JAK1: variants seen among roughly 807,000 people sequenced by gnomAD.
JAK1 encodes the protein tyrosine-protein kinase JAK1.
Under a neutral mutation model 136.6 loss-of-function variants are expected in JAK1, and 16 were observed. The ratio of observed to expected loss-of-function variants is 0.12; its 90% CI spans 0.08 to 0.18. The LOEUF (loss-of-function observed/expected upper bound fraction) is 0.18. Ranked by LOEUF, JAK1 falls within the 10% of genes least tolerant of loss-of-function variation. The pLI, the probability that JAK1 is intolerant of heterozygous loss-of-function variation, is 1.00. For missense variants in JAK1, 859 were observed against 1,450.1 expected, an observed-to-expected ratio of 0.59 and a Z score of 6.62; for synonymous variants, 492 against 519.5, an observed-to-expected ratio of 0.95 and a Z score of 0.72.
chr1:65,002,760 G>C (rs1420946014), intron 2 of JAK1, among the ~76,000 whole-genome samples: 2 of 152,178 alleles, frequency 1.3e-5, no homozygotes, highest in African/African-American at 4.8e-5. Flanking sequence ...CGCGAGCCCG[G>C]ACTTCCCCGC....
upstream of JAK1, among the ~76,000 whole-genome samples, chr1:64,968,660 A>C (rs1255326604): frequency 6.6e-6 from 1 of 152,086 alleles, no homozygotes; most frequent in Admixed American, 6.5e-5. Flanking sequence ...GGCCAGGTGC[A>C]GTGGCTCACG....
intron 2 of JAK1, chr1:64,972,374 AGATTTGTGGAAACT>A: frequency 6.6e-6 from 1 of 152,356 alleles, no homozygotes; most frequent in Non-Finnish European, 1.5e-5. Context: ...AGGGCAGTGT[AGATTTGTGGAAACT>A]GAATAGAAAG....
At chr1:65,000,083 C>T (rs1056359861) in intron 2 of JAK1, among the ~76,000 whole-genome samples, 4 of 151,516 alleles carry the variant, frequency 2.6e-5, no homozygotes, top group Non-Finnish European at 5.9e-5. Context: ...CTCTGACTCC[C>T]TGGTTCAAGC....
intron 1 of JAK1, among the ~76,000 whole-genome samples, chr1:64,961,963 G>A (rs1646289983): frequency 6.6e-6 from 1 of 152,110 alleles, no homozygotes; most frequent in African/African-American, 2.4e-5. Flanking sequence ...TACAAAGAAT[G>A]AATTAATCTG....
chr1:65,026,084 G>C (rs1646975736), intron 2 of JAK1, among the ~76,000 whole-genome samples: 1 of 152,168 alleles, frequency 6.6e-6, no homozygotes, highest in South Asian at 2.1e-4. Context: ...CTGGCACATA[G>C]AGGATATTCA....
At chr1:65,040,975 A>G (rs554542492) in intron 2 of JAK1, among the ~76,000 whole-genome samples, 1 of 152,288 alleles carries the variant, frequency 6.6e-6, no homozygotes, top group East Asian at 1.9e-4. Context: ...AAAGATGTAT[A>G]TCATCGCTCC....
chr1:64,930,443 C>T (rs1217587159), intron 1 of JAK1, among the ~76,000 whole-genome samples: 1 of 152,070 alleles, frequency 6.6e-6, no homozygotes, highest in African/African-American at 2.4e-5. Context: ...ATCAAAACCA[C>T]GATGAGATAC....
intron 1 of JAK1, among the ~76,000 whole-genome samples, chr1:64,947,260 A>G (rs1646004446): frequency 6.6e-6 from 1 of 151,906 alleles, no homozygotes; most frequent in Admixed American, 6.6e-5. Flanking sequence ...AGTTCAATAT[A>G]TTACAGCTGA....
At chr1:64,870,741 G>A (rs963559664) in intron 5 of JAK1, among the ~76,000 whole-genome samples, 2 of 152,084 alleles carry the variant, frequency 1.3e-5, no homozygotes, top group African/African-American at 4.8e-5. Context: ...TCAGATTAAT[G>A]GTTTTTGGAT....
intron 1 of JAK1, among the ~76,000 whole-genome samples, chr1:65,056,755 T>C (rs1048075815): frequency 1.3e-5 from 2 of 151,890 alleles, no homozygotes; most frequent in African/African-American, 4.8e-5. Flanking sequence ...TGAAACACCA[T>C]CTCTACCAAA....
At chr1:64,841,882 A>G (rs1034174202) in intron 17 of JAK1, among the ~76,000 whole-genome samples, 1 of 152,236 alleles carries the variant, frequency 6.6e-6, no homozygotes, top group Non-Finnish European at 1.5e-5. Flanking sequence ...ATTGGGCAAC[A>G]TGTACAAAAA....
intron 22 of JAK1, among the ~76,000 whole-genome samples, chr1:64,837,065 T>C (rs576604024): frequency 6.6e-6 from 1 of 152,240 alleles, no homozygotes; most frequent in African/African-American, 2.4e-5. Flanking sequence ...CTAGCAACCG[T>C]CTGTCTAAAC....
intron 19 of JAK1, among the ~76,000 whole-genome samples, chr1:64,840,694 T>C (rs970042134): frequency 6.6e-6 from 1 of 152,022 alleles, no homozygotes; most frequent in Admixed American, 6.6e-5. Context: ...TTAGCCAGCA[T>C]GGGGGCGTGT....
chr1:64,878,134 T>A, intron 4 of JAK1, among the ~76,000 whole-genome samples: 1 of 152,208 alleles, frequency 6.6e-6, no homozygotes, highest in South Asian at 2.1e-4. Flanking sequence ...TGAGCTTATC[T>A]ACTGTTTTAA....
At chr1:64,903,782 A>C (rs1299058782) in intron 1 of JAK1, among the ~76,000 whole-genome samples, 1 of 152,216 alleles carries the variant, frequency 6.6e-6, no homozygotes, top group African/African-American at 2.4e-5. Flanking sequence ...ACTTCTTGTC[A>C]TGAAAGTTAT....
intron 2 of JAK1, among the ~76,000 whole-genome samples, chr1:65,021,273 G>T (rs1646934864): frequency 6.6e-6 from 1 of 152,190 alleles, no homozygotes; most frequent in African/African-American, 2.4e-5. Context: ...TACAAGGTTT[G>T]GGGAGAAGGA....
intron 2 of JAK1, among the ~76,000 whole-genome samples, chr1:64,998,460 T>C (rs1646723126): frequency 2.0e-5 from 3 of 152,250 alleles, no homozygotes. Context: ...GTAACATGTT[T>C]TTAGACTCAT....
intron 1 of JAK1, among the ~76,000 whole-genome samples, chr1:64,919,151 C>T (rs1471020086): frequency 3.3e-5 from 5 of 152,054 alleles, no homozygotes; most frequent in African/African-American, 4.8e-5. Context: ...TATCTCCTAA[C>T]GCTATCCCTC....
intron 1 of JAK1, among the ~76,000 whole-genome samples, chr1:64,904,579 G>C (rs1040860433): frequency 6.6e-6 from 1 of 152,160 alleles, no homozygotes; most frequent in East Asian, 1.9e-4. Context: ...ATTTGGAAAA[G>C]TCCGGATCAG....
Sources: gnomAD v4.1 joint callset for allele counts (sites outside exome capture counted in the v4.1 genomes callset) on GRCh38, gnomAD v4.1.1 for gene constraint, MANE v1.5 for transcripts, NCBI Gene and HGNC (gene_info 2026-07-23, HGNC 2026-07-21) for gene names.